OPHN1: variants seen among roughly 807,000 people sequenced by gnomAD.
OPHN1 encodes oligophrenin 1.
Under a neutral mutation model 60.7 loss-of-function variants are expected in OPHN1, and 11 were observed. That is an observed-to-expected ratio of 0.18 (90% CI 0.11 to 0.30). OPHN1 has a LOEUF of 0.30. Ranked by LOEUF, OPHN1 falls within the 10% of genes least tolerant of loss-of-function variation. OPHN1 has a pLI of 1.00. For synonymous variants in OPHN1, 226 were observed against 222.6 expected (o/e 1.02, Z -0.14); for missense variants, 449 against 611.0 (o/e 0.73, Z 2.80).
In OPHN1 at chrX:68,064,140, G is replaced by T. The variant is rs1317505476; in HGVS notation, c.1872C>A (p.Thr624=). 3 of 1,208,929 alleles carry T rather than the reference G, an allele frequency of 2.5e-6. No individual in the cohort carries two copies. In the African/African-American group the frequency reaches 5.3e-5, roughly 21 times the overall value. Residue 624 remains threonine, a synonymous_variant, in exon 21 of 25, where the codon ACC becomes ACA. Coordinates refer to ENST00000355520, the MANE Select transcript of OPHN1 (RefSeq NM_002547.3). ...GTGGCTTGGGGGGTTCTATGCTGCT[G>T]GTGATAGTACCATTCGGTGTTTGAT... is the stretch of plus-strand genomic sequence containing the variant. ...IQHQTPNGTI[T]SSIEPPKPPQ...
chrX:68,385,530 GA>G (rs1317141515), intron 2 of OPHN1, among the ~76,000 whole-genome samples: 1 of 112,168 alleles, frequency 8.9e-6, no homozygotes, highest in Non-Finnish European at 1.9e-5. Context: ...GAAGAGTGAT[GA>G]AACAGTCAGT....
intron 2 of OPHN1, among the ~76,000 whole-genome samples, chrX:68,317,537 AAAAAAGAAAGAAAGAAAG>A (rs1569278364): frequency 1.9e-5 from 1 of 52,623 alleles, no homozygotes; most frequent in East Asian, 5.9e-4. Context: ...GAAAGAAAGA[AAAAAAGAAAGAAAGAAAG>A]AAAGAAAGAA....
intron 2 of OPHN1, among the ~76,000 whole-genome samples, chrX:68,322,124 C>A (rs1350902491): frequency 9.1e-6 from 1 of 110,263 alleles, no homozygotes. Flanking sequence ...GTGTACATCA[C>A]TGGACCCAGC....
At chrX:68,081,812 A>G (rs753132220) in intron 19 of OPHN1, among the ~76,000 whole-genome samples, 114 of 111,221 alleles carry the variant, frequency 1.0e-3, no homozygotes, top group Middle Eastern at 4.6e-3. Flanking sequence ...GAAGACAACA[A>G]TGAAGTTAGC....
At chrX:68,262,664 G>A (rs1021210205) in intron 5 of OPHN1, among the ~76,000 whole-genome samples, 24 of 112,194 alleles carry the variant, frequency 2.1e-4, no homozygotes, top group Admixed American at 1.4e-3. Context: ...GCACATGCCT[G>A]TAATTCAAGC....
chrX:68,372,263 G>C (rs1421867603), intron 2 of OPHN1, among the ~76,000 whole-genome samples: 3 of 112,055 alleles, frequency 2.7e-5, no homozygotes, highest in Non-Finnish European at 5.6e-5. Context: ...AACAGAGAAA[G>C]AAGAGTCTGT....
At chrX:68,315,801 C>T (rs1297566597) in intron 2 of OPHN1, among the ~76,000 whole-genome samples, 1 of 110,502 alleles carries the variant, frequency 9.0e-6, no homozygotes, top group Non-Finnish European at 1.9e-5. Context: ...GAATATAATT[C>T]CATTTACAGT....
In OPHN1 at chrX:68,403,903, A is replaced by T. The variant is rs745495300; in HGVS notation, c.154+28964T>A. On this transcript the variant is annotated intron_variant, in intron 2 of 24. Coordinates refer to ENST00000355520, the MANE Select transcript of OPHN1 (RefSeq NM_002547.3). Reference sequence around the variant, plus strand: ...ATGCTAAAAGTGAAGTGCCACAGTCATGTCTGAGGAGCGCTGGAGGGGTGG... The same window carrying T: ...ATGCTAAAAGTGAAGTGCCACAGTCTTGTCTGAGGAGCGCTGGAGGGGTGG... Among the ~76,000 whole-genome samples, 26 of 108,859 alleles carry T rather than the reference A, an allele frequency of 2.4e-4. No homozygotes were observed. The Admixed American group carries it at 2.5e-3, about 11-fold the overall frequency. 94.5% of individuals were successfully genotyped at this position (108,859 alleles called of 115,157 possible). A position where few individuals can be genotyped will look rare whatever the true frequency, so the allele number is the denominator to read the frequency against.
At chrX:68,421,555 A>G (rs2147786406) in intron 2 of OPHN1, among the ~76,000 whole-genome samples, 1 of 111,473 alleles carries the variant, frequency 9.0e-6, no homozygotes, top group South Asian at 3.8e-4. Context: ...CACCTAATGA[A>G]TTCAGGATGG....
At chrX:68,179,727 A>C (rs1165171555) in intron 15 of OPHN1, among the ~76,000 whole-genome samples, 1 of 111,958 alleles carries the variant, frequency 8.9e-6, no homozygotes, top group East Asian at 2.8e-4. Context: ...CTATAACAAT[A>C]CCACAGACTG....
intron 3 of OPHN1, among the ~76,000 whole-genome samples, chrX:68,289,247 G>A (rs927467366): frequency 1.5e-4 from 17 of 111,180 alleles, no homozygotes; most frequent in Admixed American, 6.7e-4. Context: ...ACCAATCCAA[G>A]AATTTTCTTT....
chrX:68,287,152 A>G (rs868137203), intron 3 of OPHN1, among the ~76,000 whole-genome samples: 7 of 85,508 alleles, frequency 8.2e-5, no homozygotes, highest in Non-Finnish European at 1.4e-4. Context: ...GAAGGAAGAA[A>G]GAAGGAAAGA....
intron 15 of OPHN1, among the ~76,000 whole-genome samples, chrX:68,148,614 T>C (rs1227878566): frequency 9.0e-6 from 1 of 110,970 alleles, no homozygotes; most frequent in Non-Finnish European, 1.9e-5. Flanking sequence ...AAGGGCAAGT[T>C]TATTATGATC....
chrX:68,166,567 G>C (rs970824087), intron 15 of OPHN1, among the ~76,000 whole-genome samples: 4 of 111,206 alleles, frequency 3.6e-5, no homozygotes, highest in Non-Finnish European at 7.5e-5. Flanking sequence ...AACTAAATGA[G>C]AAAATGAACA....
At chrX:68,217,158 A>G (rs768710907) in intron 6 of OPHN1, among the ~76,000 whole-genome samples, 12 of 112,133 alleles carry the variant, frequency 1.1e-4, no homozygotes, top group Non-Finnish European at 2.1e-4. Context: ...AGTCAAAGAA[A>G]GGGGTGACGG....
chrX:68,340,675 CA>C, intron 2 of OPHN1, among the ~76,000 whole-genome samples: 1 of 110,899 alleles, frequency 9.0e-6, no homozygotes, highest in East Asian at 2.8e-4. Flanking sequence ...ACCCAAAACA[CA>C]AGGAACAAGA....
intron 15 of OPHN1, among the ~76,000 whole-genome samples, chrX:68,145,502 T>A (rs1291569301): frequency 8.9e-6 from 1 of 111,987 alleles, no homozygotes; most frequent in Non-Finnish European, 1.9e-5. Context: ...TGTTTTTTAT[T>A]CGTAAAGTAT....
rs182404900 is a variant in OPHN1, at chrX:68,122,597, A to T, written c.1277-3265T>A. Among the ~76,000 whole-genome samples the T allele has an allele frequency of 1.7e-4, 19 of 111,341 alleles. No individual in the cohort carries two copies. In the East Asian group the frequency reaches 5.4e-3, roughly 32 times the overall value. ...TTGAGAAAACTCAAATAAATTCAATATAATATAGAAAAGGAATTCAGAATT... is the reference window on the plus strand; with the variant it reads ...TTGAGAAAACTCAAATAAATTCAATTTAATATAGAAAAGGAATTCAGAATT... On this transcript the variant is annotated intron_variant, in intron 15 of 24. Transcript: ENST00000355520.
At chrX:68,126,741 G>A (rs1388581541) in intron 15 of OPHN1, among the ~76,000 whole-genome samples, 1 of 111,782 alleles carries the variant, frequency 8.9e-6, no homozygotes, top group Non-Finnish European at 1.9e-5. Context: ...CACTGTGCCC[G>A]GCCATAGTCT....
Sources: allele counts gnomAD v4.1 joint callset (sites outside exome capture counted in the v4.1 genomes callset), GRCh38; gene constraint gnomAD v4.1.1; transcripts MANE v1.5; gene names NCBI Gene and HGNC (gene_info 2026-07-23, HGNC 2026-07-21).